The following APELA variants were observed in gnomAD, a reference collection of about 807,000 sequenced individuals.
APELA encodes the protein protein Elabela.
At chr4:164,884,303 CT>C (rs1210628290) in intron 2 of APELA, among the ~76,000 whole-genome samples, 1 of 152,134 alleles carries the variant, frequency 6.6e-6, no homozygotes, top group African/African-American at 2.4e-5. Flanking sequence ...TTCTCTTCAT[CT>C]CTTCAAAGCC....
At chr4:164,894,665 A>C (rs1323875918) in intron 2 of APELA, among the ~76,000 whole-genome samples, 1 of 152,132 alleles carries the variant, frequency 6.6e-6, no homozygotes, top group East Asian at 1.9e-4. Flanking sequence ...TCGGCTTCCC[A>C]AAGTGCCAGG....
intron 2 of APELA, among the ~76,000 whole-genome samples, chr4:164,886,151 A>AGCTTAAGGTACAAACATTT (rs70952667): frequency 1.6e-4 from 25 of 152,098 alleles, no homozygotes; most frequent in African/African-American, 5.8e-4. Flanking sequence ...TAGCCCCTAA[A>AGCTTAAGGTACAAACATTT]GCTTAATGTG....
rs975543280 is a variant in APELA, at chr4:164,897,327, A to G, written c.*1913A>G. The G allele has an allele frequency of 1.3e-5, 2 of 152,220 alleles. No homozygotes were observed. The highest frequency in any genetic ancestry group is 1.3e-4 in the Admixed American group (2 of 15,282). 9.4% of individuals were successfully genotyped at this position (152,220 alleles called of 1,614,324 possible). On this transcript the variant is annotated 3_prime_UTR_variant, in exon 3 of 3. Transcript: ENST00000507152. The stretch of plus-strand genomic sequence containing the variant: ...TATTCTCAGTTATATTTATGTTTAA[A>G]ACATGTACTGGTTTGTATATTTTGT...
intron 2 of APELA, among the ~76,000 whole-genome samples, chr4:164,893,814 T>C (rs1488662425): frequency 6.6e-6 from 1 of 152,170 alleles, no homozygotes; most frequent in African/African-American, 2.4e-5. Context: ...AGTAAGTTCA[T>C]GTTTAATTTT....
At chr4:164,886,517 T>C (rs79374018) in intron 2 of APELA, among the ~76,000 whole-genome samples, 17,884 of 151,958 alleles carry the variant, frequency 0.12, 1,112 homozygotes, top group African/African-American at 0.15. Flanking sequence ...CATGATGGTG[T>C]ATACCTATAG....
intron 2 of APELA, among the ~76,000 whole-genome samples, chr4:164,886,940 C>T (rs1376165085): frequency 6.6e-6 from 1 of 152,004 alleles, no homozygotes; most frequent in Non-Finnish European, 1.5e-5. Flanking sequence ...GTTCTCCTGG[C>T]TCAGCCTCCC....
chr4:164,891,791 G>T (rs917370326), intron 2 of APELA, among the ~76,000 whole-genome samples: 1 of 151,704 alleles, frequency 6.6e-6, no homozygotes, highest in Non-Finnish European at 1.5e-5. Context: ...TTCTTTTCTT[G>T]CCTAAGTGCC....
intron 2 of APELA, among the ~76,000 whole-genome samples, chr4:164,882,049 A>G (rs1016485108): frequency 6.6e-6 from 1 of 151,700 alleles, no homozygotes; most frequent in Non-Finnish European, 1.5e-5. Context: ...CTTAATATGT[A>G]CTCTAGATAA....
chr4:164,890,889 G>A (rs79790462), intron 2 of APELA, among the ~76,000 whole-genome samples: 11,858 of 152,156 alleles, frequency 0.078, 1,400 homozygotes, highest in African/African-American at 0.26. Context: ...TTCTCCACAT[G>A]CTTGCTAACA....
chr4:164,887,864 G>A (rs1470481676), intron 2 of APELA, among the ~76,000 whole-genome samples: 2 of 151,960 alleles, frequency 1.3e-5, no homozygotes, highest in East Asian at 1.9e-4. Flanking sequence ...CATCTGCCTC[G>A]GCCTCCCAAA....
downstream of APELA, among the ~76,000 whole-genome samples, chr4:164,898,496 C>A (rs1731017832): frequency 1.5e-5 from 2 of 134,866 alleles, no homozygotes; most frequent in African/African-American, 3.1e-5. Flanking sequence ...GAGCAAAACT[C>A]TGCCTCAAAA....
rs567689876 is a variant in APELA at position 164,895,330 on chromosome 4, T to A, written c.*2-86T>A. 42 of 150,882 alleles carry A rather than the reference T, an allele frequency of 2.8e-4. No individual in the cohort carries two copies. In the East Asian group the frequency reaches 8.1e-3, roughly 29 times the overall value. 9.3% of individuals were successfully genotyped at this position (150,882 alleles called of 1,614,324 possible). A position where few individuals can be genotyped will look rare whatever the true frequency, so the allele number is the denominator to read the frequency against. ...CTGATAAACTTCCATAACTCATTATTAAAAAAAAAATTAGGCATGTGTTTA... is the reference window on the plus strand; with the variant it reads ...CTGATAAACTTCCATAACTCATTATAAAAAAAAAAATTAGGCATGTGTTTA... On this transcript the variant is annotated intron_variant, in intron 2 of 2. Coordinates refer to ENST00000507152, the MANE Select transcript of APELA (RefSeq NM_001297550.2).
intron 2 of APELA, among the ~76,000 whole-genome samples, chr4:164,881,798 G>A (rs1449750235): frequency 3.3e-5 from 5 of 151,914 alleles, no homozygotes; most frequent in Admixed American, 3.3e-4. Flanking sequence ...ACTTTGGGAG[G>A]CAGAGGTAGG....
At chr4:164,895,124 A>G (rs1353983623) in intron 2 of APELA, among the ~76,000 whole-genome samples, 1 of 152,170 alleles carries the variant, frequency 6.6e-6, no homozygotes, top group Non-Finnish European at 1.5e-5. Flanking sequence ...ACTTGAACTC[A>G]GAGGCAGAGG....
intron 2 of APELA, among the ~76,000 whole-genome samples, chr4:164,886,986 T>C (rs772076308): frequency 2.2e-4 from 34 of 151,674 alleles, no homozygotes; most frequent in Admixed American, 8.5e-4. Context: ...CCACCAGGCC[T>C]GGCTAATTTT....
At chr4:164,895,060 C>CCTAGGATTA (rs1478245619) in intron 2 of APELA, among the ~76,000 whole-genome samples, 1 of 152,102 alleles carries the variant, frequency 6.6e-6, no homozygotes, top group East Asian at 1.9e-4. Flanking sequence ...AACATTGACA[C>CCTAGGATTA]CAGTGGCGCA....
At chr4:164,879,782 A>AT (rs374336565) in intron 2 of APELA, among the ~76,000 whole-genome samples, 3,079 of 152,152 alleles carry the variant, frequency 0.02, 90 homozygotes, top group African/African-American at 0.069. Context: ...GGGTTTATTT[A>AT]TTTTTTCTGA....
At chr4:164,898,047 T>A (rs961789132), downstream of APELA, among the ~76,000 whole-genome samples, 2 of 151,760 alleles carry the variant, frequency 1.3e-5, no homozygotes, top group African/African-American at 4.8e-5. Context: ...CCCACCACCA[T>A]GTCCAGCTAA....
chr4:164,895,891 C>T lies in APELA; in HGVS notation c.*477C>T, dbSNP rs1376276437. The T allele has an allele frequency of 6.6e-6, 1 of 152,144 alleles. No homozygotes were observed. Among genetic ancestry groups the T allele is most frequent in the Non-Finnish European group, 1.5e-5 (1 of 68,032 alleles). The allele number at this position is 152,144 out of a possible 1,614,324, so 9.4% of individuals were successfully genotyped here. A position where few individuals can be genotyped will look rare whatever the true frequency, so the allele number is the denominator to read the frequency against. On this transcript the variant is annotated 3_prime_UTR_variant, in exon 3 of 3. Coordinates refer to ENST00000507152, the MANE Select transcript of APELA (RefSeq NM_001297550.2). The stretch of plus-strand genomic sequence containing the variant: ...GAAATCAATTGCATTGACCATTTGG[C>T]TTCGCACAATAGGGAGAAAATAATT...
Sources: allele counts gnomAD v4.1 joint callset (sites outside exome capture counted in the v4.1 genomes callset), GRCh38; gene constraint gnomAD v4.1.1; transcripts MANE v1.5; gene names NCBI Gene and HGNC (gene_info 2026-07-23, HGNC 2026-07-21).